The following STIM2 variants were observed in gnomAD, a reference collection of about 807,000 sequenced individuals.
STIM2 encodes the protein stromal interaction molecule 2.
STIM2 carries 31 observed loss-of-function variants against 85.8 expected under a neutral mutation model. That is an observed-to-expected ratio of 0.36 (90% CI 0.27 to 0.49). The LOEUF is 0.49. STIM2 is among the 20% of genes least tolerant of loss of function. The pLI, the probability that STIM2 is intolerant of heterozygous loss-of-function variation, is 0.98. For synonymous variants in STIM2, 356 were observed against 331.1 expected, an observed-to-expected ratio of 1.08 and a Z score of -0.82; for missense variants, 841 against 927.6, an observed-to-expected ratio of 0.91 and a Z score of 1.21.
Position 27,002,938 on chromosome 4 carries a change from C to T in STIM2, c.815C>T (p.Ala272Val), listed in dbSNP as rs567187564. 6.4e-7 allele frequency: 1 copy of T among 1,565,256 alleles called. No individual in the cohort carries two copies. The highest frequency in any genetic ancestry group is 8.6e-7 in the Non-Finnish European group (1 of 1,162,804). The change falls in exon 7 of 12, where the codon GCA becomes GTA. Residue 272 changes from alanine to valine, a missense_variant. This residue lies in a region of STIM2 where 408 missense variants were observed against 525.4 expected (regional missense o/e 0.78). Transcript: ENST00000467087. Reference sequence around the variant, plus strand: ...TATTGTTCTATAAGGCTTGAAAAGGCACAGGAAGAAAACAGAAATGTTGCT... The same window carrying T: ...TATTGTTCTATAAGGCTTGAAAAGGTACAGGAAGAAAACAGAAATGTTGCT...
intron 1 of STIM2, among the ~76,000 whole-genome samples, chr4:26,886,845 T>C (rs1427168834): frequency 6.6e-6 from 1 of 152,210 alleles, no homozygotes; most frequent in Non-Finnish European, 1.5e-5. Context: ...GCTCTTTCAC[T>C]GAAATGACAC....
At chr4:26,960,309 C>T (rs553293069) in intron 3 of STIM2, among the ~76,000 whole-genome samples, 1 of 152,028 alleles carries the variant, frequency 6.6e-6, no homozygotes, top group Non-Finnish European at 1.5e-5. Context: ...TGAATATATA[C>T]AAAAGTGTGT....
intron 3 of STIM2, among the ~76,000 whole-genome samples, chr4:26,993,272 T>C (rs892843282): frequency 2.0e-5 from 3 of 152,178 alleles, no homozygotes; most frequent in African/African-American, 7.2e-5. Context: ...AACCTTCAGC[T>C]GACATCCTGT....
intron 1 of STIM2, among the ~76,000 whole-genome samples, chr4:26,866,740 A>G (rs1722423423): frequency 6.6e-6 from 1 of 152,194 alleles, no homozygotes; most frequent in Admixed American, 6.5e-5. Flanking sequence ...ACTGGCAAGA[A>G]TGAGACATCC....
rs548791979 is a variant in STIM2, at chr4:26,930,993, G to A, written c.282+11359G>A. Among the ~76,000 whole-genome samples the A allele has an allele frequency of 3.9e-5, 6 of 152,166 alleles. No individual in the cohort carries two copies. The East Asian group carries it at 7.7e-4, about 20-fold the overall frequency. On this transcript the variant is annotated intron_variant, in intron 2 of 11. Transcript: ENST00000467087. ...GGCTGCAATTAAGATATCAGCTGGG[G>A]TTGTGTCATCTCAAGGCCTGATTAG...
chr4:26,983,393 G>A (rs1727474369), intron 3 of STIM2, among the ~76,000 whole-genome samples: 1 of 152,166 alleles, frequency 6.6e-6, no homozygotes, highest in South Asian at 2.1e-4. Context: ...GATAATATTA[G>A]TTAAACCACT....
intron 1 of STIM2, among the ~76,000 whole-genome samples, chr4:26,901,373 C>G (rs1723914203): frequency 1.3e-5 from 2 of 152,052 alleles, no homozygotes; most frequent in South Asian, 4.1e-4. Flanking sequence ...ATTCAATAAA[C>G]ATATTAAATT....
intron 2 of STIM2, among the ~76,000 whole-genome samples, chr4:26,953,096 C>T (rs1726116266): frequency 6.6e-6 from 1 of 152,036 alleles, no homozygotes; most frequent in South Asian, 2.1e-4. Context: ...TGACAGGTGT[C>T]GTTTGGGAAA....
At chr4:26,974,961 T>G (rs1169086457) in intron 3 of STIM2, among the ~76,000 whole-genome samples, 3 of 152,314 alleles carry the variant, frequency 2.0e-5, no homozygotes, top group Non-Finnish European at 2.9e-5. Context: ...TCTCTGACCT[T>G]GTCTTCTCAC....
rs530387762 is a variant in STIM2 at position 26,889,245 on chromosome 4, A to G, written c.151+27876A>G. 2.4e-3 allele frequency among the ~76,000 whole-genome samples: 372 copies of G among 152,334 alleles called. 2 individuals carry two copies. Among genetic ancestry groups the G allele is most frequent in the Non-Finnish European group, 4.7e-3 (320 of 68,026 alleles). On this transcript the variant is annotated intron_variant, in intron 1 of 11. Coordinates refer to ENST00000467087, the MANE Select transcript of STIM2 (RefSeq NM_020860.4). Reference sequence around the variant, plus strand: ...TACATAGCCTCATGGAAAACATTGCACAAGTTTTTGTCACCTTGCTGACAA... The same window carrying G: ...TACATAGCCTCATGGAAAACATTGCGCAAGTTTTTGTCACCTTGCTGACAA...
chr4:26,980,560 A>G (rs919424001), intron 3 of STIM2, among the ~76,000 whole-genome samples: 5 of 152,178 alleles, frequency 3.3e-5, no homozygotes, highest in African/African-American at 4.8e-5. Context: ...AGGAATATAA[A>G]TGGGAATTAT....
At chr4:26,904,950 G>T (rs915482672) in intron 1 of STIM2, among the ~76,000 whole-genome samples, 1 of 152,068 alleles carries the variant, frequency 6.6e-6, no homozygotes, top group Non-Finnish European at 1.5e-5. Context: ...CTGTGTCAGT[G>T]GGCAGAGATA....
At chr4:26,895,168 C>T (rs988630320) in intron 1 of STIM2, among the ~76,000 whole-genome samples, 2 of 152,194 alleles carry the variant, frequency 1.3e-5, no homozygotes, top group Admixed American at 6.5e-5. Context: ...GCTGAGATTG[C>T]GCCACTGCAC....
intron 1 of STIM2, among the ~76,000 whole-genome samples, chr4:26,890,773 G>A (rs976113794): frequency 4.8e-5 from 7 of 146,292 alleles, no homozygotes; most frequent in South Asian, 2.2e-4. Context: ...GCAGTGAGCC[G>A]AGATCCCGCC....
intron 1 of STIM2, among the ~76,000 whole-genome samples, chr4:26,905,685 G>A (rs537789609): frequency 6.6e-6 from 1 of 152,032 alleles, no homozygotes; most frequent in East Asian, 1.9e-4. Context: ...AATATAAATC[G>A]GCTAAATCCA....
chr4:26,869,919 G>T lies in STIM2; in HGVS notation c.151+8550G>T, dbSNP rs148772636. On this transcript the variant is annotated intron_variant, in intron 1 of 11. Transcript: ENST00000467087. ...GGAAACAACCTTAACGTTCATCAAT[G>T]AATGCATAAAGAAAATGTGATACAT... 2.0e-3 allele frequency among the ~76,000 whole-genome samples: 304 copies of T among 151,712 alleles called. 1 individual carries two copies. The Middle Eastern group carries it at 0.027, about 14-fold the overall frequency.
chr4:26,980,476 A>G (rs1281936090), intron 3 of STIM2, among the ~76,000 whole-genome samples: 1 of 151,946 alleles, frequency 6.6e-6, no homozygotes, highest in Non-Finnish European at 1.5e-5. Flanking sequence ...AAAAAAAAAA[A>G]GGAAAAAGTT....
intron 1 of STIM2, among the ~76,000 whole-genome samples, chr4:26,917,416 ATAGT>A (rs1724625287): frequency 6.6e-6 from 1 of 152,068 alleles, no homozygotes; most frequent in Non-Finnish European, 1.5e-5. Flanking sequence ...TGCTCATTAG[ATAGT>A]TGTTGAGTGG....
intron 1 of STIM2, among the ~76,000 whole-genome samples, chr4:26,895,324 G>T (rs1037178709): frequency 5.3e-5 from 8 of 152,090 alleles, no homozygotes; most frequent in Non-Finnish European, 1.2e-4. Flanking sequence ...GCAGCTTGTT[G>T]TATTTATTCC....
Sources: gnomAD v4.1 joint callset for allele counts (sites outside exome capture counted in the v4.1 genomes callset) on GRCh38, gnomAD v4.1.1 for gene constraint, gnomAD v4.1.1 regional missense constraint, MANE v1.5 for transcripts, NCBI Gene and HGNC (gene_info 2026-07-23, HGNC 2026-07-21) for gene names.